DAZL: variants seen among roughly 807,000 people sequenced by gnomAD.
DAZL encodes the protein deleted in azoospermia-like.
A neutral mutation model predicts 45.0 loss-of-function variants in DAZL; 4 were observed. That is an observed-to-expected ratio of 0.09 (90% confidence interval 0.04 to 0.20). The LOEUF is 0.20. Ranked by LOEUF, DAZL falls within the 10% of genes least tolerant of loss-of-function variation. The probability of loss-of-function intolerance (pLI) is 1.00; values close to 1 mark genes in which losing one functional copy is unlikely to be tolerated. For synonymous variants in DAZL, 122 were observed against 112.4 expected (o/e 1.09, Z -0.54); for missense variants, 326 against 351.3 (o/e 0.93, Z 0.58).
intron 6 of DAZL, 123 bp downstream of exon 6, chr3:16,596,627 C>T: frequency 9.6e-7 from 1 of 1,042,630 alleles, no homozygotes; most frequent in Non-Finnish European, 1.4e-6. Flanking sequence ...TAATAAATTT[C>T]CCATCACTCA....
At chr3:16,604,391 C>T (rs751207259) in intron 1 of DAZL, 16 of 1,454,654 alleles carry the variant, frequency 1.1e-5, no homozygotes, top group Admixed American at 4.0e-5. Context: ...AAAACCGTAC[C>T]CAGAATTTAA....
At chr3:16,595,482 A>G in intron 6 of DAZL, 97 bp from the exon 7 acceptor site, 6 of 721,590 alleles carry the variant, frequency 8.3e-6, no homozygotes, top group Non-Finnish European at 1.4e-5. Context: ...AAACTTTTAA[A>G]ATATTTTTCT....
At chr3:16,594,464 G>A in intron 8 of DAZL, 69 bp downstream of exon 8, 1 of 1,167,210 alleles carries the variant, frequency 8.6e-7, no homozygotes, top group South Asian at 1.5e-5. Flanking sequence ...AAACAATCAA[G>A]AAATATAGTT....
intron 1 of DAZL, among the ~76,000 whole-genome samples, chr3:16,599,872 C>T (rs1056054518): frequency 1.3e-5 from 2 of 152,124 alleles, no homozygotes; most frequent in Non-Finnish European, 2.9e-5. Context: ...CACTTACTTG[C>T]CAGCCGTGTA....
intron 1 of DAZL, among the ~76,000 whole-genome samples, chr3:16,599,792 A>C (rs1694655666): frequency 6.6e-6 from 1 of 152,240 alleles, no homozygotes; most frequent in East Asian, 1.9e-4. Flanking sequence ...GCAATATAGC[A>C]GAGTGAAACA....
In DAZL at chr3:16,588,606, T is replaced by C; in HGVS notation, c.*54A>G. The C allele has an allele frequency of 2.9e-6, 4 of 1,381,084 alleles. No individual in the cohort carries two copies. In the South Asian group the frequency reaches 4.6e-5, roughly 16 times the overall value. 85.6% of individuals were successfully genotyped at this position (1,381,084 alleles called of 1,614,324 possible). A position where few individuals can be genotyped will look rare whatever the true frequency, so the allele number is the denominator to read the frequency against. On this transcript the variant is annotated 3_prime_UTR_variant, in exon 11 of 11. Transcript: ENST00000399444. ...AATTTCTATAATAGTGGAAACCTTT[T>C]AGCTTAATATTCAAAACCAGCAACT...
Position 16,592,163 on chromosome 3 carries a change from T to C in DAZL, c.736-15A>G. 2 of 1,610,848 alleles carry C rather than the reference T, an allele frequency of 1.2e-6. No homozygotes were observed. The highest frequency in any genetic ancestry group is 1.7e-6 in the Non-Finnish European group (2 of 1,178,310). On this transcript the variant is annotated splice_polypyrimidine_tract_variant and intron_variant, in intron 9 of 10. Coordinates refer to ENST00000399444, the MANE Select transcript of DAZL (RefSeq NM_001351.4). ...TCCACAGATTTCTGAAACACAGAAG[T>C]TTTCAGTAATGTAAAGACGACTCTT...
Position 16,595,405 on chromosome 3 carries a change from A to C in DAZL, c.499-20T>G. On this transcript the variant is annotated intron_variant, in intron 6 of 10. Coordinates refer to ENST00000399444, the MANE Select transcript of DAZL (RefSeq NM_001351.4). Reference sequence around the variant, plus strand: ...ATATGCCTGAAAATCAAGTTTACAGAAAGAATGAATAATATAAAACATTTT... The same window carrying C: ...ATATGCCTGAAAATCAAGTTTACAGCAAGAATGAATAATATAAAACATTTT... 1 of 1,431,242 alleles carries C rather than the reference A, an allele frequency of 7.0e-7. No homozygotes were observed. The highest frequency in any genetic ancestry group is 9.8e-7 in the Non-Finnish European group (1 of 1,025,102). The allele number at this position is 1,431,242 out of a possible 1,614,324, so 88.7% of individuals were successfully genotyped here.
intron 1 of DAZL, among the ~76,000 whole-genome samples, chr3:16,604,266 T>G (rs534029962): frequency 1.3e-5 from 2 of 152,304 alleles, no homozygotes; most frequent in South Asian, 2.1e-4. Context: ...CAGAGCTGCA[T>G]CTTGTGGTGG....
intron 3 of DAZL, 78 bp from the exon 4 acceptor site, chr3:16,597,619 G>C (rs1164649867): frequency 5.7e-6 from 5 of 874,698 alleles, no homozygotes; most frequent in Admixed American, 3.4e-5. Flanking sequence ...ATACGGAAGT[G>C]ATCATGACTA....
chr3:16,604,323 C>G (rs894229265), intron 1 of DAZL: 61 of 932,834 alleles, frequency 6.5e-5, no homozygotes, highest in Non-Finnish European at 8.6e-5. Flanking sequence ...AAACGCACAC[C>G]CAACGCTATC....
rs1360206892 is a variant in DAZL at position 16,586,896 on chromosome 3, T to C, written c.*1764A>G. The C allele has an allele frequency of 6.6e-6, 1 of 152,170 alleles. No homozygotes were observed. The highest frequency in any genetic ancestry group is 1.5e-5 in the Non-Finnish European group (1 of 67,996). The allele number at this position is 152,170 out of a possible 1,614,324, so 9.4% of individuals were successfully genotyped here. ...AGAATTAATTTTCCATTTTGAAAGG[T>C]TCAGGACTTTATCTTTTTTACCCTT... On this transcript the variant is annotated 3_prime_UTR_variant, in exon 11 of 11. Coordinates refer to ENST00000399444, the MANE Select transcript of DAZL (RefSeq NM_001351.4).
In DAZL at chr3:16,588,042, T is replaced by C. The variant is rs995915851; in HGVS notation, c.*618A>G. ...CCTAATCAAATAGGATATATATGTG[T>C]GGATTCTAGCTAAAAGATAAAATAT... is the stretch of plus-strand genomic sequence containing the variant. On this transcript the variant is annotated 3_prime_UTR_variant, in exon 11 of 11. Transcript: ENST00000399444. The C allele has an allele frequency of 7.0e-5, 11 of 156,376 alleles. No individual in the cohort carries two copies. Among genetic ancestry groups the C allele is most frequent in the African/African-American group, 2.4e-4 (10 of 41,518 alleles). 9.7% of individuals were successfully genotyped at this position (156,376 alleles called of 1,614,324 possible). A position where few individuals can be genotyped will look rare whatever the true frequency, so the allele number is the denominator to read the frequency against.
intron 10 of DAZL, among the ~76,000 whole-genome samples, chr3:16,589,446 CA>C (rs1454725450): frequency 6.6e-6 from 1 of 152,072 alleles, no homozygotes; most frequent in East Asian, 1.9e-4. Context: ...CCTAATCTGT[CA>C]AAAGAGTGAT....
rs57752390 is a variant in DAZL, at chr3:16,594,696, T to C, written c.571-113A>G. On this transcript the variant is annotated intron_variant, in intron 7 of 10. Transcript: ENST00000399444. ...TATCATGCTGGCTCCTTTGTTGTTA[T>C]AATAAAAGAAACAGAATGAAAAAAA... The C allele has an allele frequency of 0.14, 86,884 of 621,522 alleles. 7,892 individuals are homozygous for C. The highest frequency in any genetic ancestry group is 0.33 in the African/African-American group (17,381 of 51,904). The allele number at this position is 621,522 out of a possible 1,614,324, so 38.5% of individuals were successfully genotyped here. A position where few individuals can be genotyped will look rare whatever the true frequency, so the allele number is the denominator to read the frequency against.
intron 1 of DAZL, among the ~76,000 whole-genome samples, chr3:16,603,052 A>G (rs1694716417): frequency 6.6e-6 from 1 of 152,240 alleles, no homozygotes; most frequent in Non-Finnish European, 1.5e-5. Context: ...TCCAGCTATT[A>G]GGTTGACAAT....
chr3:16,595,002 T>C (rs1694576496), intron 7 of DAZL, among the ~76,000 whole-genome samples: 1 of 152,002 alleles, frequency 6.6e-6, no homozygotes, highest in South Asian at 2.1e-4. Context: ...CCTAAAAAAT[T>C]GATGAAAGTC....
intron 1 of DAZL, chr3:16,604,880 C>T (rs1694753530): frequency 1.4e-6 from 1 of 724,928 alleles, no homozygotes; most frequent in African/African-American, 1.8e-5. Context: ...CACCCCAAAC[C>T]TCTGCCAGTA....
At chr3:16,598,241 AAAG>A (rs1224577346) in intron 2 of DAZL, 63 bp from the exon 3 acceptor site, 1 of 1,483,580 alleles carries the variant, frequency 6.7e-7, no homozygotes, top group Non-Finnish European at 9.4e-7. Context: ...AATTTTACTA[AAAG>A]AAGGTTCGAT....
Sources: allele counts gnomAD v4.1 joint callset (sites outside exome capture counted in the v4.1 genomes callset), GRCh38; gene constraint gnomAD v4.1.1; transcripts MANE v1.5; gene names NCBI Gene and HGNC (gene_info 2026-07-23, HGNC 2026-07-21).